Variants in RNF157 observed in about 807,000 individuals in gnomAD.
RNF157 encodes E3 ubiquitin ligase RNF157.
A neutral mutation model predicts 88.3 loss-of-function variants in RNF157; 55 were observed. That is an observed-to-expected ratio of 0.62 (90% CI 0.50 to 0.78). RNF157 has a LOEUF of 0.78. Among genes scored for constraint, RNF157 ranks in the 30% least tolerant of loss-of-function variants. The pLI, the probability that RNF157 is intolerant of heterozygous loss-of-function variation, is 0.00. For missense variants in RNF157, 788 were observed against 860.8 expected (o/e 0.92, Z 1.06); for synonymous variants, 334 against 341.2 (o/e 0.98, Z 0.23).
intron 18 of RNF157, among the ~76,000 whole-genome samples, chr17:76,149,096 G>C (rs781265282): frequency 4.6e-5 from 7 of 152,020 alleles, no homozygotes; most frequent in Non-Finnish European, 7.4e-5. Context: ...CTACTCCCCA[G>C]TGAAAAACCA....
rs2069816589 is a variant in RNF157, at chr17:76,212,383, A to G, written c.188T>C (p.Leu63Pro). 6.2e-7 allele frequency: 1 copy of G among 1,612,708 alleles called. No individual in the cohort carries two copies. Among genetic ancestry groups the G allele is most frequent in the Non-Finnish European group, 8.5e-7 (1 of 1,178,688 alleles). The stretch of plus-strand genomic sequence containing the variant: ...CCATACCACAACTGGTCTGTTCCCC[A>G]GAAAGTTCAGATCGCTGTTCTCTCC... ...LFGENSDLNF[L>P]GNRPVVFPYA... is the part of the protein sequence containing the mutation. Residue 63 changes from leucine (L) to proline (P), a missense_variant, in exon 2 of 19, where the codon CTG becomes CCG. Coordinates refer to ENST00000269391, the MANE Select transcript of RNF157 (RefSeq NM_052916.3).
chr17:76,171,237 G>C (rs1204678323), intron 3 of RNF157, among the ~76,000 whole-genome samples: 5 of 151,570 alleles, frequency 3.3e-5, no homozygotes, highest in Admixed American at 2.6e-4. Flanking sequence ...CACCCAGAGT[G>C]GAGTGCAGTG....
intron 7 of RNF157, among the ~76,000 whole-genome samples, chr17:76,165,213 C>T (rs2068903086): frequency 6.6e-6 from 1 of 152,226 alleles, no homozygotes; most frequent in South Asian, 2.1e-4. Context: ...TGTTCCTGGA[C>T]ACTCTCAGAG....
At chr17:76,182,161 A>C (rs1434843344) in intron 2 of RNF157, among the ~76,000 whole-genome samples, 1 of 152,042 alleles carries the variant, frequency 6.6e-6, no homozygotes, top group Non-Finnish European at 1.5e-5. Flanking sequence ...CCTGAATCTG[A>C]GAATAACTTA....
chr17:76,226,360 T>C, intron 1 of RNF157: 1 of 1,597,750 alleles, frequency 6.3e-7, no homozygotes, highest in South Asian at 1.1e-5. Flanking sequence ...GGTCGGGTTT[T>C]GTTAAACTTT....
At chr17:76,166,097 C>T (rs2068920003) in intron 6 of RNF157, among the ~76,000 whole-genome samples, 2 of 152,160 alleles carry the variant, frequency 1.3e-5, no homozygotes, top group African/African-American at 4.8e-5. Flanking sequence ...GCCTCAGCCT[C>T]CCAAGTAGTT....
intron 2 of RNF157, among the ~76,000 whole-genome samples, chr17:76,201,937 A>G (rs965520535): frequency 1.3e-5 from 2 of 152,124 alleles, no homozygotes; most frequent in Non-Finnish European, 1.5e-5. Flanking sequence ...ACTCTTCAAA[A>G]TATTTCTGTA....
rs1189918555 is a variant in RNF157 at position 76,158,500 on chromosome 17, A to C, written c.1306T>G (p.Ser436Ala). 6.2e-7 allele frequency: 1 copy of C among 1,608,298 alleles called. No individual in the cohort carries two copies. Among genetic ancestry groups the C allele is most frequent in the Non-Finnish European group, 8.5e-7 (1 of 1,174,910 alleles). The change falls in exon 13 of 19, where the codon TCC (serine) becomes GCC (alanine). Residue 436 changes from serine to alanine, a missense_variant and splice_region_variant. By Grantham distance (99) the Ser-to-Ala change is moderately conservative. Transcript: ENST00000269391. Reference protein sequence around the residue: ...GLKLKKSLSKSTSQNSSVLHE... With the variant: ...GLKLKKSLSKATSQNSSVLHE... ...AGCACGGAAGAGTTTTGGGAAGTGG[A>C]TCTGTAGGAGTCCAGTGGAAAAGCA... is the stretch of plus-strand genomic sequence containing the variant.
At chr17:76,226,614 C>T in intron 1 of RNF157, 1 of 1,613,374 alleles carries the variant, frequency 6.2e-7, no homozygotes, top group South Asian at 1.1e-5. Context: ...ACCAACCCAT[C>T]CACAGTCAGC....
chr17:76,154,165 AG>A, intron 17 of RNF157, 117 bp downstream of exon 17: 1 of 751,368 alleles, frequency 1.3e-6, no homozygotes, highest in Admixed American at 2.0e-5. Context: ...TTCCTCTAAC[AG>A]CCCCATACAA....
intron 2 of RNF157, among the ~76,000 whole-genome samples, chr17:76,203,391 C>A (rs1321097990): frequency 2.0e-5 from 3 of 151,898 alleles, no homozygotes; most frequent in Non-Finnish European, 1.5e-5. Flanking sequence ...ATGACAAAGT[C>A]AGTCAGTGGC....
intron 8 of RNF157, 100 bp downstream of exon 8, chr17:76,164,648 T>A (rs1598396653): frequency 1.9e-4 from 122 of 632,066 alleles, no homozygotes; most frequent in South Asian, 7.9e-4. Flanking sequence ...GAGCAAAAAG[T>A]AAAACAAAAA....
At chr17:76,228,109 A>C (rs987813293) in intron 1 of RNF157, among the ~76,000 whole-genome samples, 1 of 152,154 alleles carries the variant, frequency 6.6e-6, no homozygotes, top group Non-Finnish European at 1.5e-5. Flanking sequence ...AATAAAAAAA[A>C]CCATTTATGG....
intron 2 of RNF157, among the ~76,000 whole-genome samples, chr17:76,180,616 G>A (rs1281904606): frequency 6.6e-6 from 1 of 151,974 alleles, no homozygotes; most frequent in Non-Finnish European, 1.5e-5. Context: ...GTAGAGATGG[G>A]GTTTTACTAT....
chr17:76,177,798 T>C (rs1411415574), intron 2 of RNF157, among the ~76,000 whole-genome samples: 3 of 152,006 alleles, frequency 2.0e-5, no homozygotes, highest in Non-Finnish European at 1.5e-5. Context: ...TCTCTGCTGA[T>C]AGCTGCAGAG....
At position 76,176,611 on chromosome 17, in the gene RNF157, G is replaced by C. The variant is rs758276353; in HGVS notation, c.208-2821C>G. Among the ~76,000 whole-genome samples, 3 of 152,184 alleles carry C rather than the reference G, an allele frequency of 2.0e-5. No individual in the cohort carries two copies. Among genetic ancestry groups the C allele is most frequent in the African/African-American group, 7.2e-5 (3 of 41,446 alleles). ...CCATCACAACGGCTGCTGCAGGGGG[G>C]TCGCAGGGAGCAGACAGACAGCCCC... On this transcript the variant is annotated intron_variant, in intron 2 of 18. Transcript: ENST00000269391. The surrounding 1 kb of genome is among the most constrained non-coding windows in gnomAD (Gnocchi z 4.2).
chr17:76,177,365 C>A (rs756407645), intron 2 of RNF157, among the ~76,000 whole-genome samples: 2 of 140,308 alleles, frequency 1.4e-5, no homozygotes, highest in Non-Finnish European at 3.1e-5. Context: ...CTTCTGCTTG[C>A]TCTTGGTGCT....
intron 2 of RNF157, among the ~76,000 whole-genome samples, chr17:76,194,872 A>G (rs113413351): frequency 0.039 from 5,908 of 152,094 alleles, 168 homozygotes; most frequent in Non-Finnish European, 0.062. Context: ...AAAATTAGCC[A>G]GGCGTGGTGG....
rs1409438357 is a variant in RNF157, at chr17:76,159,558, G to A, written c.1081C>T (p.Pro361Ser). Residue 361 changes from proline (P) to serine (S), a missense_variant, in exon 12 of 19, where the codon CCA becomes TCA. Coordinates refer to ENST00000269391, the MANE Select transcript of RNF157 (RefSeq NM_052916.3). ...AGAGATACTACTTCATAGCCTGGTG[G>A]AATATTCTCTGAGGACTAGGGGAAT... ...SEEHPSSENIPPGYEVVSLLE... is the reference protein window; with the variant it reads ...SEEHPSSENISPGYEVVSLLE... 1.3e-6 allele frequency: 2 copies of A among 1,596,734 alleles called. No individual in the cohort carries two copies. Among genetic ancestry groups the A allele is most frequent in the African/African-American group, 1.4e-5 (1 of 73,698 alleles).
Sources: gnomAD v4.1 joint callset for allele counts (sites outside exome capture counted in the v4.1 genomes callset) on GRCh38, gnomAD v4.1.1 for gene constraint, Gnocchi (gnomAD v3.1) non-coding constraint, MANE v1.5 for transcripts, NCBI Gene and HGNC (gene_info 2026-07-23, HGNC 2026-07-21) for gene names.